Variants in PIK3C2A observed in about 807,000 individuals in gnomAD.
The protein encoded by PIK3C2A is phosphatidylinositol 4-phosphate 3-kinase C2 domain-containing subunit alpha.
Under a neutral mutation model 204.5 loss-of-function variants are expected in PIK3C2A, and 97 were observed. The ratio of observed to expected loss-of-function variants is 0.47; its 90% confidence interval spans 0.40 to 0.56. The LOEUF is 0.56. Among genes scored for constraint, PIK3C2A ranks in the 20% least tolerant of loss-of-function variants. The pLI, the probability that PIK3C2A is intolerant of heterozygous loss-of-function variation, is 0.00. For synonymous variants in PIK3C2A, 653 were observed against 664.4 expected, an observed-to-expected ratio of 0.98 and a Z score of 0.26; for missense variants, 1,735 against 1,969.2, an observed-to-expected ratio of 0.88 and a Z score of 2.25.
At chr11:17,176,003 A>ATTTTT (rs57197496) in intron 1 of PIK3C2A, among the ~76,000 whole-genome samples, 1 of 143,876 alleles carries the variant, frequency 7.0e-6, no homozygotes, top group Non-Finnish European at 1.5e-5. Flanking sequence ...CATGGAACTG[A>ATTTTT]TTTTTTTTTT....
At chr11:17,113,221 G>A (rs557416300) in intron 20 of PIK3C2A, among the ~76,000 whole-genome samples, 34 of 152,106 alleles carry the variant, frequency 2.2e-4, no homozygotes, top group African/African-American at 7.5e-4. Context: ...TAACAGATAC[G>A]CAAAAATACT....
intron 12 of PIK3C2A, among the ~76,000 whole-genome samples, chr11:17,130,760 T>C (rs934148619): frequency 3.0e-4 from 45 of 149,052 alleles, no homozygotes; most frequent in Non-Finnish European, 3.3e-4. Flanking sequence ...TGGGCCAAGA[T>C]TGCACCACTG....
intron 1 of PIK3C2A, among the ~76,000 whole-genome samples, chr11:17,171,820 A>G (rs908245654): frequency 1.3e-5 from 2 of 152,156 alleles, no homozygotes; most frequent in African/African-American, 2.4e-5. Context: ...TATGTTACCC[A>G]GGCTGGTCTT....
At chr11:17,094,976 C>T (rs529875804) in intron 27 of PIK3C2A, among the ~76,000 whole-genome samples, 3 of 152,144 alleles carry the variant, frequency 2.0e-5, no homozygotes, top group African/African-American at 4.8e-5. Context: ...AAGCTGGGCA[C>T]GGTTGCTCAT....
chr11:17,143,042 CA>C (rs1244637493), intron 8 of PIK3C2A, among the ~76,000 whole-genome samples: 2 of 151,518 alleles, frequency 1.3e-5, no homozygotes, highest in East Asian at 3.9e-4. Flanking sequence ...CTGCAAAATA[CA>C]ATTTATATTC....
rs1849387214 is a variant in PIK3C2A, at chr11:17,122,188, C to G, written c.2657G>C (p.Gly886Ala). The change falls in exon 15 of 33, where the codon GGA becomes GCA. Residue 886 changes from glycine to alanine, a missense_variant and splice_region_variant. Gly to Ala is a moderately conservative substitution (Grantham distance 60). This residue lies in a region of PIK3C2A where 567 missense variants were observed against 576.0 expected (regional missense o/e 0.98). Transcript: ENST00000691414. ...CCAAAACAGAATAAACAGAACATAC[C>G]CAAGTGATGAGTCTTTATGAAGAAT... is the stretch of plus-strand genomic sequence containing the variant. ...LDILHKDSSL[G>A]LSKEDKAFLW... 1 of 1,578,978 alleles carries G rather than the reference C, an allele frequency of 6.3e-7. No individual in the cohort carries two copies. The highest frequency in any genetic ancestry group is 8.7e-7 in the Non-Finnish European group (1 of 1,152,106).
intron 1 of PIK3C2A, among the ~76,000 whole-genome samples, chr11:17,173,961 C>T (rs1230777872): frequency 6.6e-6 from 1 of 152,090 alleles, no homozygotes; most frequent in Non-Finnish European, 1.5e-5. Context: ...CGCCACCACA[C>T]CCGGCTAATT....
chr11:17,189,453 A>G (rs1433063897), intron 1 of PIK3C2A, among the ~76,000 whole-genome samples: 1 of 146,098 alleles, frequency 6.8e-6, no homozygotes, highest in Non-Finnish European at 1.5e-5. Context: ...CATCTCTACT[A>G]AAAATACAAA....
rs1226180151 is a variant in PIK3C2A, at chr11:17,207,978, C to G, written c.-196G>C. The G allele has an allele frequency of 1.3e-5, 2 of 152,304 alleles. No homozygotes were observed. Among genetic ancestry groups the G allele is most frequent in the African/African-American group, 4.8e-5 (2 of 41,468 alleles). The allele number at this position is 152,304 out of a possible 1,614,324, so 9.4% of individuals were successfully genotyped here. A position where few individuals can be genotyped will look rare whatever the true frequency, so the allele number is the denominator to read the frequency against. Reference sequence around the variant, plus strand: ...GGCCGACTCCACAGCCAGCCAAGCGCAGCACGTCACTTCCGGACAGGGAAG... The same window carrying G: ...GGCCGACTCCACAGCCAGCCAAGCGGAGCACGTCACTTCCGGACAGGGAAG... On this transcript the variant is annotated 5_prime_UTR_variant, in exon 1 of 33. Coordinates refer to ENST00000691414, the MANE Select transcript of PIK3C2A (RefSeq NM_002645.4).
intron 22 of PIK3C2A, among the ~76,000 whole-genome samples, chr11:17,110,164 G>A (rs1185347668): frequency 6.6e-6 from 1 of 152,016 alleles, no homozygotes; most frequent in Non-Finnish European, 1.5e-5. Context: ...TGTTGCCCAG[G>A]TTGGACTCAA....
At chr11:17,120,322 T>C (rs550200263) in intron 15 of PIK3C2A, among the ~76,000 whole-genome samples, 1 of 152,160 alleles carries the variant, frequency 6.6e-6, no homozygotes, top group East Asian at 1.9e-4. Flanking sequence ...ATTTCATCCA[T>C]TTCGTACAAA....
At chr11:17,176,728 G>A (rs902245929) in intron 1 of PIK3C2A, among the ~76,000 whole-genome samples, 22 of 152,128 alleles carry the variant, frequency 1.4e-4, no homozygotes, top group African/African-American at 5.3e-4. Context: ...CAAGGTTAGA[G>A]TGAGCTATGA....
At position 17,185,411 on chromosome 11, in the gene PIK3C2A, A is replaced by G. The variant is rs572104957; in HGVS notation, c.-65-15605T>C. ...CATTCACACAATGACAAAATTGCCTACTGATGCATTTCTTAGAACATATCC... is the reference window on the plus strand; with the variant it reads ...CATTCACACAATGACAAAATTGCCTGCTGATGCATTTCTTAGAACATATCC... On this transcript the variant is annotated intron_variant, in intron 1 of 32. Coordinates refer to ENST00000691414, the MANE Select transcript of PIK3C2A (RefSeq NM_002645.4). 3.3e-5 allele frequency among the ~76,000 whole-genome samples: 5 copies of G among 152,320 alleles called. No individual in the cohort carries two copies. In the East Asian group the frequency reaches 5.8e-4, roughly 18 times the overall value.
At chr11:17,171,429 T>C (rs996413740) in intron 1 of PIK3C2A, among the ~76,000 whole-genome samples, 9 of 151,762 alleles carry the variant, frequency 5.9e-5, no homozygotes, top group Admixed American at 2.6e-4. Context: ...GACAAGGAGG[T>C]AGGGAAAAAC....
At chr11:17,139,306 C>A (rs1849978114) in intron 8 of PIK3C2A, among the ~76,000 whole-genome samples, 1 of 151,992 alleles carries the variant, frequency 6.6e-6, no homozygotes, top group African/African-American at 2.4e-5. Flanking sequence ...CAGCTCACTG[C>A]AACCTTCGCC....
rs762066834 is a variant in PIK3C2A at position 17,129,444 on chromosome 11, G to A, written c.2255C>T (p.Ser752Leu). 3 of 1,604,646 alleles carry A rather than the reference G, an allele frequency of 1.9e-6. No individual in the cohort carries two copies. The highest frequency in any genetic ancestry group is 1.7e-6 in the Non-Finnish European group (2 of 1,172,306). The change falls in exon 13 of 33, where the codon TCA becomes TTA. Residue 752 changes from serine (S) to leucine (L), a missense_variant. Coordinates refer to ENST00000691414, the MANE Select transcript of PIK3C2A (RefSeq NM_002645.4). ...DELIIFPIQI[S>L]QLPLESVLHL... The stretch of plus-strand genomic sequence containing the variant: ...AAGAACTGATTCTAATGGCAATTGT[G>A]ATATCTGGATAGGAAAAATGATTCT...
In PIK3C2A at chr11:17,097,198, C is replaced by G; in HGVS notation, c.4185G>C (p.Gln1395His). 1.2e-6 allele frequency: 2 copies of G among 1,613,718 alleles called. No homozygotes were observed. The highest frequency in any genetic ancestry group is 1.7e-6 in the Non-Finnish European group (2 of 1,179,710). Residue 1395 changes from glutamine to histidine, a missense_variant, in exon 27 of 33, where the codon CAG becomes CAC. Physicochemically the swap from Gln to His is conservative, Grantham distance 24. Coordinates refer to ENST00000691414, the MANE Select transcript of PIK3C2A (RefSeq NM_002645.4). ...KFNFFIHNLA[Q>H]LRFSGLPSND... is the part of the protein sequence containing the mutation. ...TAGAAGGAAGACCAGAAAAACGAAG[C>G]TGAGCAAGGTTGTGAATGAAGAAGT...
chr11:17,124,870 C>T (rs1327000590), intron 13 of PIK3C2A, among the ~76,000 whole-genome samples: 7 of 152,252 alleles, frequency 4.6e-5, no homozygotes, highest in East Asian at 3.9e-4. Flanking sequence ...CTGAATTTTG[C>T]TGGTTATACT....
At chr11:17,097,432 T>C (rs770284374) in intron 26 of PIK3C2A, among the ~76,000 whole-genome samples, 168 bp from the exon 27 acceptor site, 1 of 152,194 alleles carries the variant, frequency 6.6e-6, no homozygotes, top group Non-Finnish European at 1.5e-5. Context: ...TTAAAACACA[T>C]CTCACCCCAA....
Sources: gnomAD v4.1 joint callset for allele counts (sites outside exome capture counted in the v4.1 genomes callset) on GRCh38, gnomAD v4.1.1 for gene constraint, gnomAD v4.1.1 regional missense constraint, MANE v1.5 for transcripts, NCBI Gene and HGNC (gene_info 2026-07-23, HGNC 2026-07-21) for gene names.